GRM8: variants seen among roughly 807,000 people sequenced by gnomAD.
GRM8 encodes the protein glutamate metabotropic receptor 8, also known as metabotropic glutamate receptor 8.
Under a neutral mutation model 87.2 loss-of-function variants are expected in GRM8, and 47 were observed. That is an observed-to-expected ratio of 0.54 (90% CI 0.43 to 0.69). GRM8 has a LOEUF of 0.69. Ranked by LOEUF, GRM8 falls within the 30% of genes least tolerant of loss-of-function variation. GRM8 has a pLI of 0.00. For missense variants in GRM8, 1,019 were observed against 1,139.2 expected (o/e 0.89, Z 1.52); for synonymous variants, 396 against 404.5 (o/e 0.98, Z 0.25).
At chr7:126,809,685 A>T (rs1396270911) in intron 6 of GRM8, among the ~76,000 whole-genome samples, 2 of 152,110 alleles carry the variant, frequency 1.3e-5, no homozygotes, top group Non-Finnish European at 1.5e-5. Context: ...TCCTCTCATC[A>T]ATTCCAAATG....
chr7:127,065,960 A>G (rs1821065808), intron 3 of GRM8, among the ~76,000 whole-genome samples: 1 of 152,254 alleles, frequency 6.6e-6, no homozygotes, highest in Admixed American at 6.5e-5. Context: ...CATTGAAATC[A>G]TTCACGATTC....
intron 6 of GRM8, among the ~76,000 whole-genome samples, chr7:126,779,413 G>A (rs1467528672): frequency 6.6e-6 from 1 of 151,810 alleles, no homozygotes; most frequent in Non-Finnish European, 1.5e-5. Flanking sequence ...ATTATTATGT[G>A]TTTATGTTAT....
chr7:126,545,480 C>T (rs2150909213), intron 8 of GRM8, among the ~76,000 whole-genome samples: 1 of 152,180 alleles, frequency 6.6e-6, no homozygotes, highest in South Asian at 2.1e-4. Context: ...TTTAGAGTTT[C>T]AAATAATTTC....
chr7:126,700,374 T>C (rs1191679235), intron 7 of GRM8, among the ~76,000 whole-genome samples: 1 of 152,142 alleles, frequency 6.6e-6, no homozygotes, highest in East Asian at 1.9e-4. Flanking sequence ...CTCTATATTC[T>C]AGTTATTAAT....
In GRM8 at chr7:126,669,601, T is replaced by C. The variant is rs183641800; in HGVS notation, c.1358-60103A>G. ...ACTATTTGACTTGCTGGCTTCACAA[T>C]TGGTAAGGCCTGGGGACTATGGAAC... On this transcript the variant is annotated intron_variant, in intron 7 of 10. Coordinates refer to ENST00000339582, the MANE Select transcript of GRM8 (RefSeq NM_000845.3). 8.2e-3 allele frequency among the ~76,000 whole-genome samples: 1,245 copies of C among 152,320 alleles called. 7 individuals are homozygous for C. The highest frequency in any genetic ancestry group is 0.01 in the Non-Finnish European group (695 of 68,022).
At chr7:127,047,976 G>C (rs1343769902) in intron 3 of GRM8, among the ~76,000 whole-genome samples, 1 of 152,110 alleles carries the variant, frequency 6.6e-6, no homozygotes, top group Non-Finnish European at 1.5e-5. Context: ...AAATTCATTT[G>C]CTCAACAAAC....
intron 6 of GRM8, among the ~76,000 whole-genome samples, chr7:126,891,506 T>C (rs2131089091): frequency 6.6e-6 from 1 of 152,176 alleles, no homozygotes; most frequent in South Asian, 2.1e-4. Context: ...ATATGATCTG[T>C]CCCTTGCCTA....
intron 2 of GRM8, 122 bp from the exon 3 acceptor site, chr7:127,106,834 TAC>T (rs1235634437): frequency 1.5e-6 from 1 of 685,962 alleles, no homozygotes; most frequent in Non-Finnish European, 2.6e-6. Flanking sequence ...GAAGCCAAAA[TAC>T]AGTTTTATGA....
chr7:127,106,554 A>G lies in GRM8; in HGVS notation c.669T>C (p.Ser223=), dbSNP rs1825822952. 6.2e-7 allele frequency: 1 copy of G among 1,614,144 alleles called. No homozygotes were observed. Among genetic ancestry groups the G allele is most frequent in the East Asian group, 2.2e-5 (1 of 44,886 alleles). ...CACCGCTCTCACCATAGTTCCCCTC[A>G]GAAGCCAGTGTCGAAACATAATTCC... ...LGWNYVSTLA[S]EGNYGESGVE... The change falls in exon 3 of 11, where the codon TCT becomes TCC. Residue 223 remains serine (S), a synonymous_variant. Coordinates refer to ENST00000339582, the MANE Select transcript of GRM8 (RefSeq NM_000845.3).
intron 3 of GRM8, among the ~76,000 whole-genome samples, chr7:127,047,268 A>C (rs968379830): frequency 1.3e-5 from 2 of 152,182 alleles, no homozygotes; most frequent in Non-Finnish European, 2.9e-5. Flanking sequence ...TAAAATATTG[A>C]CCATTTGACC....
At chr7:126,626,818 G>C (rs557749038) in intron 7 of GRM8, among the ~76,000 whole-genome samples, 1 of 152,142 alleles carries the variant, frequency 6.6e-6, no homozygotes, top group Non-Finnish European at 1.5e-5. Flanking sequence ...CCAGGAGTTT[G>C]AAACCAGCCT....
At chr7:126,464,439 T>C (rs1202713093) in intron 9 of GRM8, among the ~76,000 whole-genome samples, 1 of 151,836 alleles carries the variant, frequency 6.6e-6, no homozygotes, top group Middle Eastern at 3.4e-3. Context: ...ACTCTGTCTT[T>C]TGATTGAAGA....
intron 2 of GRM8, among the ~76,000 whole-genome samples, chr7:127,178,117 G>A (rs1392197814): frequency 6.6e-6 from 1 of 151,944 alleles, no homozygotes; most frequent in Non-Finnish European, 1.5e-5. Context: ...AAGAACTGAA[G>A]GGAAAATTAT....
intron 8 of GRM8, among the ~76,000 whole-genome samples, chr7:126,608,881 A>T (rs1041978394): frequency 4.0e-5 from 6 of 150,942 alleles, no homozygotes; most frequent in African/African-American, 1.2e-4. Context: ...CTCCTGCCTC[A>T]GCCTCCCAAA....
chr7:126,786,516 A>G (rs1202795802), intron 6 of GRM8, among the ~76,000 whole-genome samples: 1 of 152,178 alleles, frequency 6.6e-6, no homozygotes, highest in African/African-American at 2.4e-5. Context: ...ACATGGTAAC[A>G]TCTCAAAAAA....
intron 9 of GRM8, among the ~76,000 whole-genome samples, chr7:126,503,254 G>A (rs959294620): frequency 1.3e-5 from 2 of 152,080 alleles, no homozygotes; most frequent in African/African-American, 4.8e-5. Context: ...AGAGGGACAA[G>A]ATGGAGAAGG....
intron 3 of GRM8, among the ~76,000 whole-genome samples, chr7:127,025,478 C>T (rs1004729000): frequency 2.0e-5 from 3 of 152,078 alleles, no homozygotes; most frequent in East Asian, 3.9e-4. Flanking sequence ...GTTTTAGCTC[C>T]GCTATGTGCT....
intron 7 of GRM8, among the ~76,000 whole-genome samples, chr7:126,741,802 A>C (rs925696688): frequency 2.0e-5 from 3 of 152,140 alleles, no homozygotes; most frequent in Non-Finnish European, 4.4e-5. Context: ...GCAGTACAGC[A>C]TGATGTTTAA....
intron 8 of GRM8, among the ~76,000 whole-genome samples, chr7:126,561,565 T>TAA (rs1475828391): frequency 6.6e-6 from 1 of 152,092 alleles, no homozygotes; most frequent in Non-Finnish European, 1.5e-5. Context: ...GCAGCAGCTA[T>TAA]AGATTCTCCC....
Sources: gnomAD v4.1 joint callset for allele counts (sites outside exome capture counted in the v4.1 genomes callset) on GRCh38, gnomAD v4.1.1 for gene constraint, MANE v1.5 for transcripts, NCBI Gene and HGNC (gene_info 2026-07-23, HGNC 2026-07-21) for gene names.